Variants in ME3 observed in about 807,000 individuals in gnomAD.
ME3 encodes NADP-dependent malic enzyme, mitochondrial.
ME3 carries 48 observed loss-of-function variants against 68.9 expected under a neutral mutation model. That is an observed-to-expected ratio of 0.70 (90% CI 0.55 to 0.89). The LOEUF is 0.89. ME3 is among the 40% of genes least tolerant of loss of function. The pLI, the probability that ME3 is intolerant of heterozygous loss-of-function variation, is 0.00. For synonymous variants in ME3, 320 were observed against 318.8 expected, an observed-to-expected ratio of 1.00 and a Z score of -0.04; for missense variants, 675 against 797.4, an observed-to-expected ratio of 0.85 and a Z score of 1.85.
At chr11:86,566,388 G>A (rs1026947275) in intron 2 of ME3, among the ~76,000 whole-genome samples, 8 of 152,210 alleles carry the variant, frequency 5.3e-5, no homozygotes, top group South Asian at 2.1e-4. Context: ...CTTGGGGAAA[G>A]GAAACTCACA....
chr11:86,616,419 T>C (rs939617402), intron 2 of ME3, among the ~76,000 whole-genome samples: 1 of 152,230 alleles, frequency 6.6e-6, no homozygotes, highest in Admixed American at 6.5e-5. Flanking sequence ...ACTGTCTATA[T>C]GGAAATAAGC....
intron 2 of ME3, among the ~76,000 whole-genome samples, chr11:86,577,618 G>A (rs1443043047): frequency 6.6e-6 from 1 of 152,160 alleles, no homozygotes; most frequent in Non-Finnish European, 1.5e-5. Flanking sequence ...CATTCCAGGG[G>A]AAGTGAAAGG....
chr11:86,637,027 T>A (rs1310055871), intron 2 of ME3, among the ~76,000 whole-genome samples: 1 of 152,182 alleles, frequency 6.6e-6, no homozygotes, highest in Non-Finnish European at 1.5e-5. Context: ...GCCATCATTC[T>A]TGAATCAATG....
intron 4 of ME3, among the ~76,000 whole-genome samples, chr11:86,545,805 A>G (rs1956326240): frequency 6.6e-6 from 1 of 152,222 alleles, no homozygotes; most frequent in Non-Finnish European, 1.5e-5. Flanking sequence ...CAGAATTAGA[A>G]AAAACTACTT....
intron 2 of ME3, among the ~76,000 whole-genome samples, chr11:86,580,034 C>CTAAT (rs199609260): frequency 0.014 from 2,135 of 152,298 alleles, 39 homozygotes; most frequent in African/African-American, 0.043. Context: ...GAGATAGAAT[C>CTAAT]TAATTCTTGC....
chr11:86,462,574 G>C, intron 8 of ME3: 1 of 1,284,098 alleles, frequency 7.8e-7, no homozygotes. Context: ...ACATGAACAG[G>C]TGGGTGTGCT....
intron 7 of ME3, among the ~76,000 whole-genome samples, chr11:86,479,193 C>T (rs1296128825): frequency 2.6e-5 from 4 of 152,160 alleles, no homozygotes; most frequent in East Asian, 1.9e-4. Flanking sequence ...CCATCTTCTC[C>T]GGCCCTTGAG....
intron 2 of ME3, among the ~76,000 whole-genome samples, chr11:86,645,064 C>T (rs1938919): frequency 0.45 from 67,777 of 152,078 alleles, 16,888 homozygotes; most frequent in Non-Finnish European, 0.57. Context: ...CTTTGCAACC[C>T]GCAGACCAGG....
intron 2 of ME3, among the ~76,000 whole-genome samples, chr11:86,652,483 C>G (rs1254181840): frequency 6.6e-6 from 1 of 151,976 alleles, no homozygotes; most frequent in African/African-American, 2.4e-5. Flanking sequence ...AATTTCATAT[C>G]CAGCCAAACT....
intron 4 of ME3, among the ~76,000 whole-genome samples, chr11:86,526,507 G>T (rs189728666): frequency 6.6e-6 from 1 of 152,172 alleles, no homozygotes; most frequent in African/African-American, 2.4e-5. Flanking sequence ...GTCTGACAGC[G>T]TTGAAGATAG....
chr11:86,637,416 C>A (rs1298023960), intron 2 of ME3, among the ~76,000 whole-genome samples: 2 of 150,724 alleles, frequency 1.3e-5, no homozygotes, highest in African/African-American at 4.9e-5. Flanking sequence ...GGAATAAACA[C>A]CCAGACACAA....
At chr11:86,560,674 A>G (rs990136414) in intron 2 of ME3, among the ~76,000 whole-genome samples, 9 of 150,470 alleles carry the variant, frequency 6.0e-5, no homozygotes, top group Middle Eastern at 3.2e-3. Flanking sequence ...CTAACTGTAT[A>G]TAGATAGATA....
chr11:86,496,861 C>T (rs1000454321), intron 6 of ME3, among the ~76,000 whole-genome samples: 5 of 133,930 alleles, frequency 3.7e-5, no homozygotes, highest in Admixed American at 2.2e-4. Flanking sequence ...ATAAGAACAC[C>T]ACTTTTATTT....
intron 4 of ME3, among the ~76,000 whole-genome samples, chr11:86,519,812 C>T (rs1348408580): frequency 6.6e-6 from 1 of 152,210 alleles, no homozygotes; most frequent in Non-Finnish European, 1.5e-5. Flanking sequence ...GCTGTGTAGG[C>T]CTGGAGGGCA....
At chr11:86,535,694 G>A (rs994719802) in intron 4 of ME3, among the ~76,000 whole-genome samples, 2 of 152,060 alleles carry the variant, frequency 1.3e-5, no homozygotes, top group Non-Finnish European at 2.9e-5. Flanking sequence ...GATCCTTAAA[G>A]GAATTTTTAC....
chr11:86,440,960 C>T, downstream of ME3: 2 of 201,178 alleles, frequency 9.9e-6, no homozygotes, highest in Non-Finnish European at 2.0e-5. Flanking sequence ...CCAATCTCCT[C>T]CACTAGATCC....
chr11:86,598,287 A>T (rs1959896345), intron 2 of ME3, among the ~76,000 whole-genome samples: 1 of 152,240 alleles, frequency 6.6e-6, no homozygotes, highest in Non-Finnish European at 1.5e-5. Context: ...ATGGCACACC[A>T]GGAGATTATA....
intron 2 of ME3, among the ~76,000 whole-genome samples, chr11:86,670,390 C>T (rs1946846483): frequency 6.6e-6 from 1 of 152,162 alleles, no homozygotes; most frequent in Non-Finnish European, 1.5e-5. Flanking sequence ...TGAGCAATGC[C>T]ATCTGGGCTT....
chr11:86,453,617 A>T (rs1283734731), intron 8 of ME3, among the ~76,000 whole-genome samples: 1 of 152,242 alleles, frequency 6.6e-6, no homozygotes, highest in Non-Finnish European at 1.5e-5. Flanking sequence ...GATAAACAAC[A>T]AGATTTTTTT....
Sources: allele counts gnomAD v4.1 joint callset (sites outside exome capture counted in the v4.1 genomes callset), GRCh38; gene constraint gnomAD v4.1.1; transcripts MANE v1.5; gene names NCBI Gene and HGNC (gene_info 2026-07-23, HGNC 2026-07-21).